The following SMPDL3B variants were observed in gnomAD, a reference collection of about 807,000 sequenced individuals.
SMPDL3B encodes sphingomyelin phosphodiesterase acid like 3B, also known as acid sphingomyelinase-like phosphodiesterase 3b.
In SMPDL3B, 31 loss-of-function variants were observed where a neutral mutation model predicts 37.9. That is an observed-to-expected ratio of 0.82 (90% CI 0.61 to 1.10). The LOEUF (loss-of-function observed/expected upper bound fraction) is 1.10. Among genes scored for constraint, SMPDL3B ranks in the 50% least tolerant of loss-of-function variants. The pLI is 0.00. For missense variants in SMPDL3B, 525 were observed against 597.8 expected (o/e 0.88, Z 1.27); for synonymous variants, 235 against 242.6 (o/e 0.97, Z 0.29).
Position 27,953,335 on chromosome 1 carries a change from A to T in SMPDL3B, c.494A>T (p.Glu165Val). 1 of 1,613,390 alleles carries T rather than the reference A, an allele frequency of 6.2e-7. No homozygotes were observed. The highest frequency in any genetic ancestry group is 1.7e-5 in the Admixed American group (1 of 59,890). Residue 165 changes from glutamate (E) to valine (V), a missense_variant, in exon 4 of 8, where the codon GAG becomes GTG. Physicochemically the swap from Glu to Val is moderately radical, Grantham distance 121. Coordinates refer to ENST00000373894, the MANE Select transcript of SMPDL3B (RefSeq NM_014474.4). The stretch of plus-strand genomic sequence containing the variant: ...CTATGGAAACCCTGGCTTAGTAATG[A>T]GTCCATCGCTCTCTTCAAAAAAGGT... ...AELWKPWLSN[E>V]SIALFKKGAF... is the part of the protein sequence containing the mutation.
chr1:27,939,517 T>G (rs1272475568), intron 1 of SMPDL3B, among the ~76,000 whole-genome samples: 1 of 151,826 alleles, frequency 6.6e-6, no homozygotes, highest in Admixed American at 6.6e-5. Flanking sequence ...AGTAGCTGAG[T>G]GTGGTGGCAT....
chr1:27,954,313 A>G lies in SMPDL3B; in HGVS notation c.518-41A>G, dbSNP rs939290891. On this transcript the variant is annotated intron_variant, in intron 4 of 7. Transcript: ENST00000373894. ...GGAAGGGGCGGAAGCCTGTCTGGCCAGAGGTGGGGGCCTCCTTCATATTGT... is the reference window on the plus strand; with the variant it reads ...GGAAGGGGCGGAAGCCTGTCTGGCCGGAGGTGGGGGCCTCCTTCATATTGT... 4 of 1,581,264 alleles carry G rather than the reference A, an allele frequency of 2.5e-6. No individual in the cohort carries two copies. The African/African-American group carries it at 5.4e-5, about 21-fold the overall frequency.
chr1:27,958,502 G>A lies in SMPDL3B; in HGVS notation c.1032G>A (p.Leu344=), dbSNP rs1459796468. 5 of 1,609,190 alleles carry A rather than the reference G, an allele frequency of 3.1e-6. No homozygotes were observed. The South Asian group carries it at 4.4e-5, about 14-fold the overall frequency. ...LKDMVTYFMN[L]SQANAQGTPR... ...ACATGGTGACCTACTTCATGAACCTGAGCCAGGCGAATGCTCAGGGGACGC... is the reference window on the plus strand; with the variant it reads ...ACATGGTGACCTACTTCATGAACCTAAGCCAGGCGAATGCTCAGGGGACGC... Residue 344 remains leucine (L), a synonymous_variant, in exon 8 of 8, where the codon CTG becomes CTA. Transcript: ENST00000373894. The surrounding 1 kb of genome is among the most constrained non-coding windows in gnomAD (Gnocchi z 5.6).
At chr1:27,937,947 C>T (rs1451540707) in intron 1 of SMPDL3B, among the ~76,000 whole-genome samples, 1 of 152,172 alleles carries the variant, frequency 6.6e-6, no homozygotes, top group Non-Finnish European at 1.5e-5. Flanking sequence ...CCAGGAGTTA[C>T]TGCCCCTTCT....
intron 3 of SMPDL3B, 51 bp from the exon 4 acceptor site, chr1:27,953,163 TC>T: frequency 6.8e-7 from 1 of 1,470,196 alleles, no homozygotes; most frequent in Non-Finnish European, 9.4e-7. Flanking sequence ...AATGATTAAC[TC>T]CCCCGAGTGC....
At chr1:27,935,668 CAAGTA>C (rs1170851517) in intron 1 of SMPDL3B, among the ~76,000 whole-genome samples, 1 of 152,106 alleles carries the variant, frequency 6.6e-6, no homozygotes, top group Non-Finnish European at 1.5e-5. Flanking sequence ...ACCACACGAA[CAAGTA>C]AAGTACGCAG....
rs1354635234 is a variant in SMPDL3B at position 27,955,884 on chromosome 1, A to G, written c.871+20A>G. The G allele has an allele frequency of 1.2e-6, 2 of 1,611,732 alleles. No individual in the cohort carries two copies. The highest frequency in any genetic ancestry group is 1.1e-5 in the South Asian group (1 of 91,038). On this transcript the variant is annotated intron_variant, in intron 6 of 7. Transcript: ENST00000373894. Reference sequence around the variant, plus strand: ...ATGCAGGTATTCAACCTGGAGGGCAACTGCCAGCTCCCTCCCTCCTTCTCT... The same window carrying G: ...ATGCAGGTATTCAACCTGGAGGGCAGCTGCCAGCTCCCTCCCTCCTTCTCT...
At chr1:27,940,477 C>T (rs1266615809) in intron 1 of SMPDL3B, among the ~76,000 whole-genome samples, 1 of 151,298 alleles carries the variant, frequency 6.6e-6, no homozygotes, top group African/African-American at 2.4e-5. Context: ...TTAATTCTCA[C>T]GAGGGCCCCA....
chr1:27,948,499 G>A (rs985770796), intron 2 of SMPDL3B, among the ~76,000 whole-genome samples: 2 of 152,056 alleles, frequency 1.3e-5, no homozygotes, highest in Non-Finnish European at 2.9e-5. Flanking sequence ...CAAGAATTTT[G>A]ATTCATGGCA....
intron 3 of SMPDL3B, among the ~76,000 whole-genome samples, chr1:27,951,069 C>T (rs1230356564): frequency 1.9e-5 from 2 of 102,740 alleles, no homozygotes; most frequent in African/African-American, 7.1e-5. Flanking sequence ...GGCCTATTGA[C>T]TATGATTTAA....
intron 1 of SMPDL3B, among the ~76,000 whole-genome samples, chr1:27,941,301 G>C (rs1301425448): frequency 6.6e-6 from 1 of 152,186 alleles, no homozygotes; most frequent in Admixed American, 6.5e-5. Flanking sequence ...TATCTATGCA[G>C]TGGGCATAAG....
Position 27,956,013 on chromosome 1 carries a change from A to C in SMPDL3B, c.936A>C (p.Gly312=). ...GVTPWKTTLP[G]VVNGANNPAI... ...CCCCATGGAAAACCACATTACCTGG[A>C]GTGGTCAATGGGGCCAACAATCCAG... is the stretch of plus-strand genomic sequence containing the variant. The change falls in exon 7 of 8, where the codon GGA becomes GGC. Residue 312 remains glycine (G), a synonymous_variant. Coordinates refer to ENST00000373894, the MANE Select transcript of SMPDL3B (RefSeq NM_014474.4). 1 of 1,614,092 alleles carries C rather than the reference A, an allele frequency of 6.2e-7. No homozygotes were observed.
At position 27,940,262 on chromosome 1, in the gene SMPDL3B, C is replaced by T. The variant is rs181243854; in HGVS notation, c.62-4970C>T. On this transcript the variant is annotated intron_variant, in intron 1 of 7. Coordinates refer to ENST00000373894, the MANE Select transcript of SMPDL3B (RefSeq NM_014474.4). ...GACAGGCTCTATCTTCATCTTGTTTCCCTTCAGATGTCCTGCCTGCCCTGC... is the reference window on the plus strand; with the variant it reads ...GACAGGCTCTATCTTCATCTTGTTTTCCTTCAGATGTCCTGCCTGCCCTGC... Among the ~76,000 whole-genome samples the T allele has an allele frequency of 9.8e-4, 149 of 152,266 alleles. 1 individual carries two copies. The highest frequency in any genetic ancestry group is 1.3e-3 in the Non-Finnish European group (86 of 68,024).
At chr1:27,946,182 G>C (rs112712417) in intron 2 of SMPDL3B, among the ~76,000 whole-genome samples, 8 of 151,938 alleles carry the variant, frequency 5.3e-5, no homozygotes, top group African/African-American at 1.9e-4. Context: ...GTGAAACCCC[G>C]TCTCTACTAA....
At position 27,958,969 on chromosome 1, in the gene SMPDL3B, G is replaced by A. The variant is rs1638391640; in HGVS notation, c.*131G>A. 9.7e-6 allele frequency: 11 copies of A among 1,133,520 alleles called. No individual in the cohort carries two copies. The highest frequency in any genetic ancestry group is 5.2e-5 in the East Asian group (2 of 38,400). The allele number at this position is 1,133,520 out of a possible 1,614,324, so 70.2% of individuals were successfully genotyped here. Reference sequence around the variant, plus strand: ...AAATAGGACAACCGAATCAGGAAGCGAAGCCCCAGGAGCTGCAGCCATCCG... The same window carrying A: ...AAATAGGACAACCGAATCAGGAAGCAAAGCCCCAGGAGCTGCAGCCATCCG... On this transcript the variant is annotated 3_prime_UTR_variant, in exon 8 of 8. Transcript: ENST00000373894. This position sits in a 1 kb window ranked among gnomAD's most constrained non-coding sequence, Gnocchi z 5.6.
At chr1:27,951,581 A>G (rs1266792004) in intron 3 of SMPDL3B, among the ~76,000 whole-genome samples, 1 of 152,228 alleles carries the variant, frequency 6.6e-6, no homozygotes, top group African/African-American at 2.4e-5. Context: ...TGCAGTGATC[A>G]TATGCCTGTA....
rs754356193 is a variant in SMPDL3B at position 27,955,719 on chromosome 1, T to C, written c.726T>C (p.Phe242=). The part of the protein sequence containing the change: ...YIVGHVPPGF[F]EKTQNKAWFR... ...TCGGCCACGTGCCCCCGGGGTTCTT[T>C]GAGAAGACGCAAAACAAGGCATGGT... The change falls in exon 6 of 8, where the codon TTT becomes TTC. Residue 242 remains phenylalanine, a synonymous_variant. Coordinates refer to ENST00000373894, the MANE Select transcript of SMPDL3B (RefSeq NM_014474.4). 6.2e-7 allele frequency: 1 copy of C among 1,614,084 alleles called. No homozygotes were observed. The highest frequency in any genetic ancestry group is 1.7e-5 in the Admixed American group (1 of 60,024).
rs193197596 is a variant in SMPDL3B at position 27,954,829 on chromosome 1, A to G, written c.690+303A>G. On this transcript the variant is annotated intron_variant, in intron 5 of 7. Transcript: ENST00000373894. ...GTCCAGTGCTCTTTCCACTCCCACCACATGCACAGCTGCAGCCAGTACTGT... is the reference window on the plus strand; with the variant it reads ...GTCCAGTGCTCTTTCCACTCCCACCGCATGCACAGCTGCAGCCAGTACTGT... 3.7e-3 allele frequency among the ~76,000 whole-genome samples: 565 copies of G among 152,254 alleles called. 2 individuals are homozygous for G. The highest frequency in any genetic ancestry group is 6.8e-3 in the Middle Eastern group (2 of 294).
At chr1:27,951,113 A>G (rs1165667071) in intron 3 of SMPDL3B, among the ~76,000 whole-genome samples, 3 of 152,148 alleles carry the variant, frequency 2.0e-5, no homozygotes, top group African/African-American at 7.2e-5. Flanking sequence ...TGTAGTTTCT[A>G]CTACACTTGC....
Sources: allele counts gnomAD v4.1 joint callset (sites outside exome capture counted in the v4.1 genomes callset), GRCh38; gene constraint gnomAD v4.1.1; non-coding constraint Gnocchi (gnomAD v3.1); transcripts MANE v1.5; gene names NCBI Gene and HGNC (gene_info 2026-07-23, HGNC 2026-07-21).